SSBP2: variants seen among roughly 807,000 people sequenced by gnomAD.
SSBP2 encodes the protein single-stranded DNA-binding protein 2.
SSBP2 carries 17 observed loss-of-function variants against 61.8 expected under a neutral mutation model. The observed-to-expected ratio is 0.28, with a 90% CI of 0.19 to 0.41. The LOEUF is 0.41. Among genes scored for constraint, SSBP2 ranks in the 10% least tolerant of loss-of-function variants. The probability of loss-of-function intolerance (pLI) is 1.00; values close to 1 mark genes in which losing one functional copy is unlikely to be tolerated. For synonymous variants in SSBP2, 139 were observed against 141.3 expected (o/e 0.98, Z 0.12); for missense variants, 310 against 458.7 (o/e 0.68, Z 2.96).
At chr5:81,654,185 G>A (rs1224871913) in intron 1 of SSBP2, among the ~76,000 whole-genome samples, 1 of 151,936 alleles carries the variant, frequency 6.6e-6, no homozygotes. Context: ...GGCTGGTCCC[G>A]AACTCCTGAA....
intron 8 of SSBP2, among the ~76,000 whole-genome samples, chr5:81,471,153 A>G (rs1186174784): frequency 6.6e-6 from 1 of 151,864 alleles, no homozygotes; most frequent in South Asian, 2.1e-4. Context: ...AGAAATAGTA[A>G]GAACACTGCC....
intron 1 of SSBP2, among the ~76,000 whole-genome samples, chr5:81,694,963 G>T (rs1753492768): frequency 6.6e-6 from 1 of 152,142 alleles, no homozygotes; most frequent in African/African-American, 2.4e-5. Context: ...CCACACCACT[G>T]AATTCCAGCA....
chr5:81,636,105 T>C (rs555034412), intron 3 of SSBP2, among the ~76,000 whole-genome samples: 2 of 152,268 alleles, frequency 1.3e-5, no homozygotes, highest in African/African-American at 4.8e-5. Context: ...AGTTCCCTTA[T>C]AAGCAAAGAC....
chr5:81,420,371 G>A lies in SSBP2; in HGVS notation c.*133C>T. The A allele has an allele frequency of 1.2e-6, 1 of 810,112 alleles. No homozygotes were observed. The highest frequency in any genetic ancestry group is 2.1e-6 in the Non-Finnish European group (1 of 484,788). 50.2% of individuals were successfully genotyped at this position (810,112 alleles called of 1,614,324 possible). On this transcript the variant is annotated 3_prime_UTR_variant, in exon 17 of 17. Coordinates refer to ENST00000320672, the MANE Select transcript of SSBP2 (RefSeq NM_012446.5). ...CTTCACAAAAGAGGGGAGAGAGCAG[G>A]AAATAAAAAGGTTGGTTTGGTGTGA...
intron 6 of SSBP2, among the ~76,000 whole-genome samples, chr5:81,485,126 G>A (rs73766256): frequency 0.021 from 3,163 of 152,134 alleles, 127 homozygotes; most frequent in African/African-American, 0.072. Flanking sequence ...AGACTTGCTC[G>A]GTTCCAGGTT....
intron 1 of SSBP2, among the ~76,000 whole-genome samples, chr5:81,707,161 A>G (rs1581390685): frequency 6.6e-6 from 1 of 152,226 alleles, no homozygotes; most frequent in Admixed American, 6.5e-5. Context: ...AGGAGTTTCT[A>G]TTAAGTTCTT....
At chr5:81,701,001 G>T (rs1753943344) in intron 1 of SSBP2, among the ~76,000 whole-genome samples, 1 of 152,108 alleles carries the variant, frequency 6.6e-6, no homozygotes, top group African/African-American at 2.4e-5. Flanking sequence ...TTTCCTTTAG[G>T]AAGCTTTTCT....
intron 3 of SSBP2, among the ~76,000 whole-genome samples, chr5:81,616,949 T>A (rs1746122915): frequency 6.9e-6 from 1 of 145,912 alleles, no homozygotes; most frequent in African/African-American, 2.5e-5. Flanking sequence ...AAAACCCATC[T>A]GTACATCACC....
intron 2 of SSBP2, among the ~76,000 whole-genome samples, chr5:81,649,594 G>A (rs1482177889): frequency 1.3e-5 from 2 of 151,984 alleles, no homozygotes; most frequent in Non-Finnish European, 2.9e-5. Flanking sequence ...ACATAAACAC[G>A]GGAACACTAG....
chr5:81,661,914 A>G (rs1404479817), intron 1 of SSBP2, among the ~76,000 whole-genome samples: 1 of 152,172 alleles, frequency 6.6e-6, no homozygotes, highest in Admixed American at 6.5e-5. Context: ...AATCATTGCT[A>G]AAAGCAATGT....
At chr5:81,498,036 C>T (rs751058291) in intron 5 of SSBP2, among the ~76,000 whole-genome samples, 13 of 151,958 alleles carry the variant, frequency 8.6e-5, no homozygotes, top group Non-Finnish European at 1.3e-4. Context: ...GGGAACCTAA[C>T]GTTTTAGGTT....
intron 4 of SSBP2, among the ~76,000 whole-genome samples, chr5:81,614,284 C>T (rs1277822254): frequency 1.4e-5 from 2 of 140,396 alleles, no homozygotes; most frequent in Admixed American, 1.7e-4. Flanking sequence ...GGCGTGAACC[C>T]GGGAGGCGGA....
At chr5:81,444,987 G>T in intron 12 of SSBP2, among the ~76,000 whole-genome samples, 1 of 150,954 alleles carries the variant, frequency 6.6e-6, no homozygotes, top group Non-Finnish European at 1.5e-5. Flanking sequence ...GCCGGGCATG[G>T]TGGCACACTC....
intron 4 of SSBP2, among the ~76,000 whole-genome samples, chr5:81,603,960 A>G (rs1344255766): frequency 1.3e-5 from 2 of 152,170 alleles, no homozygotes; most frequent in Non-Finnish European, 2.9e-5. Context: ...TATGCAAACC[A>G]TCATTGAAAA....
At chr5:81,485,683 GTTTATTTTTT>G (rs1194445383) in intron 6 of SSBP2, among the ~76,000 whole-genome samples, 1 of 152,044 alleles carries the variant, frequency 6.6e-6, no homozygotes, top group African/African-American at 2.4e-5. Context: ...TTTATTATTT[GTTTATTTTTT>G]AGAGACCAGG....
intron 4 of SSBP2, among the ~76,000 whole-genome samples, chr5:81,558,393 T>C (rs1206238839): frequency 1.3e-5 from 2 of 152,214 alleles, no homozygotes; most frequent in Non-Finnish European, 2.9e-5. Context: ...CACTTCCTGG[T>C]TTGCAGATGG....
At chr5:81,749,828 T>C (rs913123766) in intron 1 of SSBP2, among the ~76,000 whole-genome samples, 1 of 152,208 alleles carries the variant, frequency 6.6e-6, no homozygotes, top group Non-Finnish European at 1.5e-5. Context: ...AGGGGCTCTG[T>C]TCTCGCCAGC....
At chr5:81,491,126 C>A (rs1201162629) in intron 5 of SSBP2, among the ~76,000 whole-genome samples, 1 of 152,076 alleles carries the variant, frequency 6.6e-6, no homozygotes, top group Admixed American at 6.5e-5. Context: ...TAATTCTGGA[C>A]TAATTTAAAA....
chr5:81,525,656 G>A lies in SSBP2; in HGVS notation c.283-11939C>T, dbSNP rs1039766917. 6.6e-5 allele frequency among the ~76,000 whole-genome samples: 10 copies of A among 151,912 alleles called. No individual in the cohort carries two copies. In the East Asian group the frequency reaches 7.8e-4, roughly 12 times the overall value. On this transcript the variant is annotated intron_variant, in intron 4 of 16. Coordinates refer to ENST00000320672, the MANE Select transcript of SSBP2 (RefSeq NM_012446.5). Reference sequence around the variant, plus strand: ...TTTTTTATTGCCATCTACTCCTGGTGCATAGTTTTTCCTACCTGTAAAGCA... The same window carrying A: ...TTTTTTATTGCCATCTACTCCTGGTACATAGTTTTTCCTACCTGTAAAGCA...
Sources: allele counts gnomAD v4.1 joint callset (sites outside exome capture counted in the v4.1 genomes callset), GRCh38; gene constraint gnomAD v4.1.1; transcripts MANE v1.5; gene names NCBI Gene and HGNC (gene_info 2026-07-23, HGNC 2026-07-21).